The following TMEM135 variants were observed in gnomAD, a reference collection of about 807,000 sequenced individuals.
TMEM135 encodes transmembrane protein 135.
Under a neutral mutation model 60.3 loss-of-function variants are expected in TMEM135, and 30 were observed. That is an observed-to-expected ratio of 0.50 (90% CI 0.37 to 0.68). The LOEUF is 0.68. TMEM135 is among the 30% of genes least tolerant of loss of function. The pLI is 0.00. For missense variants in TMEM135, 468 were observed against 548.8 expected, an observed-to-expected ratio of 0.85 and a Z score of 1.47; for synonymous variants, 190 against 186.7, an observed-to-expected ratio of 1.02 and a Z score of -0.14.
At position 87,325,028 on chromosome 11, in the gene TMEM135, C is replaced by T; in HGVS notation, c.*3695C>T. The T allele has an allele frequency of 2.2e-6, 1 of 453,944 alleles. No homozygotes were observed. The highest frequency in any genetic ancestry group is 4.4e-6 in the Non-Finnish European group (1 of 226,748). 28.1% of individuals were successfully genotyped at this position (453,944 alleles called of 1,614,324 possible). On this transcript the variant is annotated 3_prime_UTR_variant, in exon 15 of 15. Transcript: ENST00000305494. ...TGGAGGTGATGTTTACAATTGCCTCCAGCCCTTTACTATTGGTGCTGAAGC... is the reference window on the plus strand; with the variant it reads ...TGGAGGTGATGTTTACAATTGCCTCTAGCCCTTTACTATTGGTGCTGAAGC...
intron 4 of TMEM135, among the ~76,000 whole-genome samples, chr11:87,139,379 A>G (rs1454834508): frequency 2.0e-5 from 3 of 152,190 alleles, no homozygotes; most frequent in South Asian, 4.1e-4. Flanking sequence ...TCATGTGACT[A>G]TAAGCACAAT....
At chr11:87,234,516 T>C (rs1040840348) in intron 5 of TMEM135, among the ~76,000 whole-genome samples, 1 of 152,080 alleles carries the variant, frequency 6.6e-6, no homozygotes, top group Non-Finnish European at 1.5e-5. Context: ...AAAAATAATT[T>C]CTTTCCAGAT....
At chr11:87,145,823 G>A (rs1565460414) in intron 4 of TMEM135, among the ~76,000 whole-genome samples, 1 of 151,428 alleles carries the variant, frequency 6.6e-6, no homozygotes, top group Non-Finnish European at 1.5e-5. Flanking sequence ...TACATATTTG[G>A]GTTATTCATT....
chr11:87,174,149 TG>T (rs1267941937), intron 5 of TMEM135, among the ~76,000 whole-genome samples: 1 of 152,166 alleles, frequency 6.6e-6, no homozygotes, highest in East Asian at 1.9e-4. Context: ...CTGAGATTGA[TG>T]AGACACTGGC....
chr11:87,237,259 C>G (rs570685186), intron 6 of TMEM135, among the ~76,000 whole-genome samples: 3 of 152,074 alleles, frequency 2.0e-5, no homozygotes, highest in African/African-American at 7.2e-5. Context: ...TTTCTGCCAT[C>G]TTCGTATAAT....
At chr11:87,102,730 A>ATATATATATGTATATATATATATG (rs1565441815) in intron 4 of TMEM135, among the ~76,000 whole-genome samples, 1 of 109,742 alleles carries the variant, frequency 9.1e-6, no homozygotes, top group Non-Finnish European at 2.0e-5. Flanking sequence ...ATATATATGT[A>ATATATATATGTATATATATATATG]TATATATATG....
intron 3 of TMEM135, among the ~76,000 whole-genome samples, chr11:87,083,008 A>C (rs1309677898): frequency 6.6e-6 from 1 of 152,320 alleles, no homozygotes; most frequent in Non-Finnish European, 1.5e-5. Flanking sequence ...ATAAAGATCT[A>C]TCTGTAAATA....
chr11:87,043,682 C>T (rs966030498), intron 1 of TMEM135, among the ~76,000 whole-genome samples: 3 of 151,898 alleles, frequency 2.0e-5, no homozygotes. Flanking sequence ...GAGATCACGC[C>T]ACTGCACTCC....
At chr11:87,074,607 A>G (rs1856834550) in intron 3 of TMEM135, among the ~76,000 whole-genome samples, 2 of 152,192 alleles carry the variant, frequency 1.3e-5, no homozygotes, top group Non-Finnish European at 2.9e-5. Context: ...TGTAACAATC[A>G]ACTAGAGTCA....
intron 5 of TMEM135, among the ~76,000 whole-genome samples, chr11:87,214,210 A>T (rs1940446494): frequency 6.6e-6 from 1 of 152,158 alleles, no homozygotes; most frequent in Non-Finnish European, 1.5e-5. Flanking sequence ...ATAATAATAA[A>T]AATAAGAAGA....
intron 4 of TMEM135, among the ~76,000 whole-genome samples, chr11:87,135,875 A>T (rs1239357058): frequency 6.6e-6 from 1 of 152,020 alleles, no homozygotes; most frequent in Admixed American, 6.6e-5. Flanking sequence ...ATGAAAATTG[A>T]ATAGTTCTGT....
At chr11:87,213,184 C>G (rs1208393787) in intron 5 of TMEM135, among the ~76,000 whole-genome samples, 9 of 152,042 alleles carry the variant, frequency 5.9e-5, no homozygotes, top group Non-Finnish European at 1.0e-4. Flanking sequence ...TTTCTCATTG[C>G]TTAGTGTAAT....
At chr11:87,248,032 A>G (rs11602413) in intron 6 of TMEM135, among the ~76,000 whole-genome samples, 4 of 149,068 alleles carry the variant, frequency 2.7e-5, no homozygotes, top group Admixed American at 6.6e-5. Context: ...AAAAAAAAAA[A>G]AAAAAGAAAA....
intron 3 of TMEM135, among the ~76,000 whole-genome samples, chr11:87,078,442 G>A (rs1856918224): frequency 6.6e-6 from 1 of 152,038 alleles, no homozygotes; most frequent in Non-Finnish European, 1.5e-5. Flanking sequence ...TAATTATTGA[G>A]TTGTAAGGGT....
At chr11:87,149,964 C>G (rs930245763) in intron 4 of TMEM135, among the ~76,000 whole-genome samples, 2 of 151,988 alleles carry the variant, frequency 1.3e-5, no homozygotes, top group Non-Finnish European at 2.9e-5. Context: ...CGCCTGTAAT[C>G]CCAGCACTTT....
chr11:87,053,041 A>G (rs941773019), intron 1 of TMEM135, among the ~76,000 whole-genome samples: 2 of 131,272 alleles, frequency 1.5e-5, no homozygotes, highest in African/African-American at 6.2e-5. Context: ...GGAAACCATC[A>G]TTCTCAGTAA....
intron 4 of TMEM135, among the ~76,000 whole-genome samples, chr11:87,156,753 A>G (rs1938706388): frequency 1.3e-5 from 2 of 152,220 alleles, no homozygotes; most frequent in South Asian, 4.1e-4. Context: ...TTAGTAGCAG[A>G]TAAGTGATTT....
rs545427475 is a variant in TMEM135 at position 87,045,468 on chromosome 11, T to G, written c.141+7282T>G. Among the ~76,000 whole-genome samples the G allele has an allele frequency of 8.5e-4, 130 of 152,350 alleles. 1 individual carries two copies. Among genetic ancestry groups the G allele is most frequent in the African/African-American group, 3.1e-3 (127 of 41,576 alleles). ...TAAACACTTTCTCAACTCACTGTTTTCTGTAGCAGCTAACTCTGAGTAGAG... is the reference window on the plus strand; with the variant it reads ...TAAACACTTTCTCAACTCACTGTTTGCTGTAGCAGCTAACTCTGAGTAGAG... On this transcript the variant is annotated intron_variant, in intron 1 of 14. Transcript: ENST00000305494.
At position 87,185,130 on chromosome 11, in the gene TMEM135, C is replaced by T. The variant is rs1044169918; in HGVS notation, c.462+27724C>T. ...ATCATATCACTCTATGTAAATATTT[C>T]AGTATGTATCCTTAGAAGATAAGGA... On this transcript the variant is annotated intron_variant, in intron 5 of 14. Coordinates refer to ENST00000305494, the MANE Select transcript of TMEM135 (RefSeq NM_022918.4). Among the ~76,000 whole-genome samples, 66 of 152,076 alleles carry T rather than the reference C, an allele frequency of 4.3e-4. 1 individual carries two copies. Among genetic ancestry groups the T allele is most frequent in the Admixed American group, 4.1e-3 (63 of 15,274 alleles).
Sources: gnomAD v4.1 joint callset for allele counts (sites outside exome capture counted in the v4.1 genomes callset) on GRCh38, gnomAD v4.1.1 for gene constraint, MANE v1.5 for transcripts, NCBI Gene and HGNC (gene_info 2026-07-23, HGNC 2026-07-21) for gene names.